ARSB: variants seen among roughly 807,000 people sequenced by gnomAD.
ARSB encodes N-acetylgalactosamine-4-sulfatase.
A neutral mutation model predicts 50.9 loss-of-function variants in ARSB; 41 were observed. That is an observed-to-expected ratio of 0.81 (90% CI 0.63 to 1.04). The LOEUF (loss-of-function observed/expected upper bound fraction) is 1.04, where lower values mean the gene tolerates loss of function less well. Among genes scored for constraint, ARSB ranks in the 50% least tolerant of loss-of-function variants. The pLI is 0.00. For missense variants in ARSB, 672 were observed against 693.3 expected (o/e 0.97, Z 0.35); for synonymous variants, 269 against 284.8 (o/e 0.94, Z 0.56).
intron 2 of ARSB, among the ~76,000 whole-genome samples, chr5:78,967,045 C>T (rs1292981287): frequency 6.6e-6 from 1 of 152,082 alleles, no homozygotes; most frequent in Non-Finnish European, 1.5e-5. Flanking sequence ...AACCCTGAAT[C>T]CAATGAGGCA....
chr5:78,811,404 C>T (rs1743800699), intron 6 of ARSB, among the ~76,000 whole-genome samples: 1 of 152,100 alleles, frequency 6.6e-6, no homozygotes, highest in Non-Finnish European at 1.5e-5. Context: ...CACAATCACA[C>T]CAGCAAGAGA....
chr5:78,924,702 T>C (rs1749969953), intron 4 of ARSB, among the ~76,000 whole-genome samples: 1 of 152,204 alleles, frequency 6.6e-6, no homozygotes, highest in Admixed American at 6.5e-5. Context: ...TACGATTAAA[T>C]CTAGGTTTAT....
chr5:78,904,420 T>G (rs1457502465), intron 4 of ARSB, among the ~76,000 whole-genome samples: 1 of 152,100 alleles, frequency 6.6e-6, no homozygotes, highest in Admixed American at 6.5e-5. Flanking sequence ...TCCATTATGA[T>G]GCTGGTGTAG....
intron 6 of ARSB, among the ~76,000 whole-genome samples, chr5:78,828,061 TTTC>T (rs1744509842): frequency 6.6e-6 from 1 of 151,948 alleles, no homozygotes; most frequent in Non-Finnish European, 1.5e-5. Context: ...AGGAGGGAGT[TTTC>T]TTACACTGAT....
chr5:78,885,219 T>C (rs1747952890), intron 5 of ARSB: 1 of 322,920 alleles, frequency 3.1e-6, no homozygotes, highest in Non-Finnish European at 5.6e-6. Context: ...TCCAGCTTTT[T>C]CCCTGCTGTT....
intron 6 of ARSB, among the ~76,000 whole-genome samples, chr5:78,819,572 C>T (rs1561439266): frequency 6.6e-6 from 1 of 152,252 alleles, no homozygotes; most frequent in Non-Finnish European, 1.5e-5. Context: ...TTCAATCACT[C>T]AGCACACTTC....
intron 6 of ARSB, among the ~76,000 whole-genome samples, chr5:78,825,209 A>G (rs529455399): frequency 1.3e-5 from 2 of 152,244 alleles, no homozygotes; most frequent in South Asian, 4.1e-4. Context: ...AACCATCAAC[A>G]ATTTGGAAAG....
chr5:78,974,092 T>C (rs1752568314), intron 1 of ARSB, among the ~76,000 whole-genome samples: 1 of 152,200 alleles, frequency 6.6e-6, no homozygotes, highest in Non-Finnish European at 1.5e-5. Context: ...CAAGTAACAC[T>C]TGTGCCACCT....
At chr5:78,845,024 G>A (rs1055889423) in intron 5 of ARSB, among the ~76,000 whole-genome samples, 1 of 151,702 alleles carries the variant, frequency 6.6e-6, no homozygotes, top group Non-Finnish European at 1.5e-5. Context: ...CTAACCTTTG[G>A]CTATTCTCCT....
At chr5:78,829,888 T>A (rs1310302640) in intron 6 of ARSB, among the ~76,000 whole-genome samples, 1 of 152,246 alleles carries the variant, frequency 6.6e-6, no homozygotes, top group African/African-American at 2.4e-5. Context: ...GATATATTTA[T>A]CTTTACAGAT....
chr5:78,782,084 C>T, intron 6 of ARSB, 110 bp from the exon 7 acceptor site: 1 of 1,328,412 alleles, frequency 7.5e-7, no homozygotes, highest in Non-Finnish European at 1.1e-6. Context: ...CACTGGAGTG[C>T]AAATGTGTAT....
At chr5:78,796,628 G>C (rs1460566041) in intron 6 of ARSB, among the ~76,000 whole-genome samples, 1 of 151,932 alleles carries the variant, frequency 6.6e-6, no homozygotes, top group Non-Finnish European at 1.5e-5. Flanking sequence ...GCTCCATCTG[G>C]GTTCATCTTT....
At chr5:78,892,611 T>C (rs1748367539) in intron 4 of ARSB, among the ~76,000 whole-genome samples, 1 of 152,106 alleles carries the variant, frequency 6.6e-6, no homozygotes, top group African/African-American at 2.4e-5. Context: ...CAGTGAATTG[T>C]GAGGGGGGTT....
intron 4 of ARSB, among the ~76,000 whole-genome samples, chr5:78,946,768 G>GA (rs1751254348): frequency 6.6e-6 from 1 of 151,988 alleles, no homozygotes; most frequent in Non-Finnish European, 1.5e-5. Flanking sequence ...CATAGAAAGA[G>GA]AAAAAATAAT....
At chr5:78,926,496 T>C (rs761750179) in intron 4 of ARSB, among the ~76,000 whole-genome samples, 2 of 152,182 alleles carry the variant, frequency 1.3e-5, no homozygotes, top group Non-Finnish European at 2.9e-5. Context: ...CCAAATGAAT[T>C]GCATCTTTCA....
chr5:78,971,514 A>G (rs1476363150), intron 1 of ARSB, among the ~76,000 whole-genome samples: 1 of 152,172 alleles, frequency 6.6e-6, no homozygotes, highest in Non-Finnish European at 1.5e-5. Flanking sequence ...TGATTTTTAT[A>G]AGTGTTTGTG....
chr5:78,925,209 A>G (rs111239893), intron 4 of ARSB, among the ~76,000 whole-genome samples: 2,360 of 152,318 alleles, frequency 0.015, 56 homozygotes, highest in African/African-American at 0.051. Flanking sequence ...TCTGCATTCA[A>G]TGTAAAAAGT....
chr5:78,931,239 C>A (rs189645581), intron 4 of ARSB, among the ~76,000 whole-genome samples: 92 of 152,248 alleles, frequency 6.0e-4, no homozygotes, highest in Non-Finnish European at 1.0e-3. Context: ...AAAATCTAAC[C>A]AACTTTCATT....
intron 4 of ARSB, among the ~76,000 whole-genome samples, chr5:78,900,797 T>C (rs978316578): frequency 6.6e-6 from 1 of 152,132 alleles, no homozygotes; most frequent in Non-Finnish European, 1.5e-5. Flanking sequence ...CCCAGCACTT[T>C]GGGAGGCCTA....
Sources: gnomAD v4.1 joint callset for allele counts (sites outside exome capture counted in the v4.1 genomes callset) on GRCh38, gnomAD v4.1.1 for gene constraint, MANE v1.5 for transcripts, NCBI Gene and HGNC (gene_info 2026-07-23, HGNC 2026-07-21) for gene names.